Variants in GLIS3 observed in about 807,000 individuals in gnomAD.
GLIS3 encodes GLIS family zinc finger 3.
Under a neutral mutation model 78.6 loss-of-function variants are expected in GLIS3, and 53 were observed. The ratio of observed to expected loss-of-function variants is 0.67; its 90% CI spans 0.54 to 0.85. GLIS3 has a LOEUF of 0.85. GLIS3 is among the 40% of genes least tolerant of loss of function. The pLI is 0.00. For synonymous variants in GLIS3, 684 were observed against 509.9 expected (o/e 1.34, Z -4.60); for missense variants, 1,703 against 1,231.1 (o/e 1.38, Z -5.74).
intron 2 of GLIS3, among the ~76,000 whole-genome samples, chr9:4,148,745 G>T (rs1246714320): frequency 6.6e-6 from 1 of 152,038 alleles, no homozygotes; most frequent in Non-Finnish European, 1.5e-5. Flanking sequence ...AGGGCTACAA[G>T]GAGGGTGGGA....
At chr9:4,079,928 G>C (rs958944075) in intron 4 of GLIS3, among the ~76,000 whole-genome samples, 1 of 151,990 alleles carries the variant, frequency 6.6e-6, no homozygotes, top group African/African-American at 2.4e-5. Context: ...GAAAAAGGTA[G>C]TTATTTAACA....
intron 7 of GLIS3, among the ~76,000 whole-genome samples, chr9:3,893,621 C>A (rs898966565): frequency 3.9e-5 from 6 of 152,166 alleles, no homozygotes; most frequent in African/African-American, 1.4e-4. Flanking sequence ...AAATTCAGGT[C>A]ATGTTTTCCC....
At chr9:4,328,415 C>T (rs930353450) in intron 2 of GLIS3, among the ~76,000 whole-genome samples, 3 of 152,270 alleles carry the variant, frequency 2.0e-5, no homozygotes, top group East Asian at 1.9e-4. Flanking sequence ...AAACAGGGAG[C>T]ACTAAGTGGA....
chr9:4,328,903 C>G (rs1348888591), intron 2 of GLIS3, among the ~76,000 whole-genome samples: 1 of 152,186 alleles, frequency 6.6e-6, no homozygotes, highest in African/African-American at 2.4e-5. Context: ...AGCTCCCAGG[C>G]CTAAGATGGC....
At chr9:4,163,671 A>G (rs1197276016) in intron 2 of GLIS3, among the ~76,000 whole-genome samples, 1 of 152,246 alleles carries the variant, frequency 6.6e-6, no homozygotes, top group Non-Finnish European at 1.5e-5. Context: ...TTGAGTAGCT[A>G]CACTTCAGTA....
intron 2 of GLIS3, among the ~76,000 whole-genome samples, chr9:4,247,441 G>C (rs1367478661): frequency 1.3e-5 from 2 of 152,144 alleles, no homozygotes; most frequent in African/African-American, 2.4e-5. Context: ...TATAAGAATA[G>C]ATCTATAAAT....
chr9:3,832,997 C>G (rs1818134981), intron 9 of GLIS3, among the ~76,000 whole-genome samples: 1 of 152,166 alleles, frequency 6.6e-6, no homozygotes, highest in South Asian at 2.1e-4. Context: ...ATGCTTTAGT[C>G]TATATTCAAG....
At chr9:4,040,232 T>C (rs630836) in intron 4 of GLIS3, among the ~76,000 whole-genome samples, 48,642 of 150,696 alleles carry the variant, frequency 0.32, 8,779 homozygotes, top group East Asian at 0.57. Flanking sequence ...TTTTGCAAAC[T>C]TCAAAGCATT....
At chr9:4,359,770 G>A in the GLIS3 span, among the ~76,000 whole-genome samples, 32 of 151,994 alleles carry the variant, frequency 2.1e-4, no homozygotes, top group African/African-American at 7.5e-4. Flanking sequence ...TGAACTGAGA[G>A]GTACACACTG....
In GLIS3 at chr9:4,286,167, T is replaced by C; in HGVS notation, c.259A>G (p.Arg87Gly). 6.2e-7 allele frequency: 1 copy of C among 1,614,228 alleles called. No homozygotes were observed. Among genetic ancestry groups the C allele is most frequent in the East Asian group, 2.2e-5 (1 of 44,884 alleles). Residue 87 changes from arginine (R) to glycine (G), a missense_variant, in exon 2 of 11, where the codon AGG becomes GGG. Coordinates refer to ENST00000381971, the MANE Select transcript of GLIS3 (RefSeq NM_001042413.2). Reference protein sequence around the residue: ...SRIHLPALSPRRQMLTNGKPR... With the variant: ...SRIHLPALSPGRQMLTNGKPR... ...TTCCCATTGGTGAGCATTTGTCTCC[T>C]GGGGCTTAAGGCAGGCAGATGGATG...
intron 6 of GLIS3, among the ~76,000 whole-genome samples, chr9:3,925,604 C>CGT (rs1341179729): frequency 4.8e-5 from 7 of 146,758 alleles, no homozygotes; most frequent in South Asian, 2.2e-4. Context: ...TGCGTGTGCG[C>CGT]GCGTGTGTGT....
At chr9:4,034,987 T>C (rs1824185128) in intron 4 of GLIS3, 1 of 152,152 alleles carries the variant, frequency 6.6e-6, no homozygotes, top group South Asian at 2.1e-4. Flanking sequence ...TGTACTATTA[T>C]TGCTAAGCGA....
rs138904948 is a variant in GLIS3, at chr9:3,943,005, A to G, written c.1711-5816T>C. Among the ~76,000 whole-genome samples, 261 of 148,786 alleles carry G rather than the reference A, an allele frequency of 1.8e-3. 1 individual carries two copies. The highest frequency in any genetic ancestry group is 6.2e-3 in the African/African-American group (246 of 39,640). On this transcript the variant is annotated intron_variant, in intron 4 of 10. Transcript: ENST00000381971. Reference sequence around the variant, plus strand: ...AAATTTAGGTGGGAAGATAATAGGAAAAAAAAAAAGTAGAAGAAAGGTCAG... The same window carrying G: ...AAATTTAGGTGGGAAGATAATAGGAGAAAAAAAAAGTAGAAGAAAGGTCAG...
At chr9:3,953,785 C>CTA (rs1220522180) in intron 4 of GLIS3, among the ~76,000 whole-genome samples, 3 of 42,306 alleles carry the variant, frequency 7.1e-5, no homozygotes, top group Non-Finnish European at 1.6e-4. Context: ...CTCTCTCTCT[C>CTA]TCTCTCTCTC....
chr9:4,183,730 G>A lies in GLIS3; in HGVS notation c.389-57789C>T, dbSNP rs1019593595. On this transcript the variant is annotated intron_variant, in intron 2 of 10. Coordinates refer to ENST00000381971, the MANE Select transcript of GLIS3 (RefSeq NM_001042413.2). ...ATACTTCCTAAATTACTTTCAACTA[G>A]ACTAGCTTTACATGACAACTGATTA... Among the ~76,000 whole-genome samples, 4 of 152,154 alleles carry A rather than the reference G, an allele frequency of 2.6e-5. 1 individual carries two copies. In the South Asian group the frequency reaches 6.2e-4, roughly 24 times the overall value.
At chr9:4,138,255 G>A (rs760092468) in intron 2 of GLIS3, among the ~76,000 whole-genome samples, 8 of 152,202 alleles carry the variant, frequency 5.3e-5, no homozygotes, top group Non-Finnish European at 1.2e-4. Flanking sequence ...AACGCATATT[G>A]TCATGGGAGA....
chr9:4,345,682 C>T (rs188218371), intron 2 of GLIS3, among the ~76,000 whole-genome samples: 1 of 152,172 alleles, frequency 6.6e-6, no homozygotes, highest in African/African-American at 2.4e-5. Context: ...CCTCCAAACT[C>T]ATTTTCCAGA....
At chr9:3,831,780 A>C (rs922412134) in intron 9 of GLIS3, among the ~76,000 whole-genome samples, 1 of 152,196 alleles carries the variant, frequency 6.6e-6, no homozygotes, top group Non-Finnish European at 1.5e-5. Flanking sequence ...GGAATTTTAA[A>C]TAGGTATTAA....
Position 4,258,401 on chromosome 9 carries a change from C to A in GLIS3, c.388+27637G>T, listed in dbSNP as rs76904545. ...ATTTAGGTCATATTGGTGAGTAAGACGGTATTGGGAAATACCTTAAAGTTC... is the reference window on the plus strand; with the variant it reads ...ATTTAGGTCATATTGGTGAGTAAGAAGGTATTGGGAAATACCTTAAAGTTC... On this transcript the variant is annotated intron_variant, in intron 2 of 10. Coordinates refer to ENST00000381971, the MANE Select transcript of GLIS3 (RefSeq NM_001042413.2). 2.6e-5 allele frequency among the ~76,000 whole-genome samples: 4 copies of A among 152,184 alleles called. No homozygotes were observed. The East Asian group carries it at 7.7e-4, about 29-fold the overall frequency.
Sources: allele counts gnomAD v4.1 joint callset (sites outside exome capture counted in the v4.1 genomes callset), GRCh38; gene constraint gnomAD v4.1.1; transcripts MANE v1.5; gene names NCBI Gene and HGNC (gene_info 2026-07-23, HGNC 2026-07-21).